The following HS6ST3 variants were observed in gnomAD, a reference collection of about 807,000 sequenced individuals.
HS6ST3 encodes the protein heparan-sulfate 6-O-sulfotransferase 3.
A neutral mutation model predicts 36.7 loss-of-function variants in HS6ST3; 12 were observed. The ratio of observed to expected loss-of-function variants is 0.33; its 90% CI spans 0.21 to 0.53. The LOEUF is 0.53. Among genes scored for constraint, HS6ST3 ranks in the 20% least tolerant of loss-of-function variants. The pLI is 0.95. For synonymous variants in HS6ST3, 240 were observed against 257.5 expected (o/e 0.93, Z 0.65); for missense variants, 584 against 640.9 (o/e 0.91, Z 0.96).
chr13:96,283,782 G>A (rs1055103842), intron 1 of HS6ST3, among the ~76,000 whole-genome samples: 1 of 152,124 alleles, frequency 6.6e-6, no homozygotes, highest in African/African-American at 2.4e-5. Flanking sequence ...TGTGCATACA[G>A]ATCACCTTGG....
rs2053912794 is a variant in HS6ST3, at chr13:96,119,087, C to T, written c.707+27518C>T. On this transcript the variant is annotated intron_variant, in intron 1 of 1. Transcript: ENST00000376705. The stretch of plus-strand genomic sequence containing the variant: ...GATGAATAGCTTATGTTACTAAATG[C>T]ATGCAAATGACTGTGTGTTTAGAAA... Among the ~76,000 whole-genome samples the T allele has an allele frequency of 3.9e-5, 6 of 152,094 alleles. No homozygotes were observed. In the South Asian group the frequency reaches 1.0e-3, roughly 26 times the overall value.
chr13:96,257,269 T>C (rs940491534), intron 1 of HS6ST3, among the ~76,000 whole-genome samples: 1 of 152,202 alleles, frequency 6.6e-6, no homozygotes, highest in Admixed American at 6.6e-5. Context: ...ATCTATCTAC[T>C]GTGCATCTGC....
intron 1 of HS6ST3, among the ~76,000 whole-genome samples, chr13:96,282,192 T>TGTGA: frequency 6.6e-6 from 1 of 152,118 alleles, no homozygotes; most frequent in East Asian, 1.9e-4. Flanking sequence ...CATGCAAAGA[T>TGTGA]GTGAGAATGT....
At chr13:96,560,441 G>A (rs537136421) in intron 1 of HS6ST3, among the ~76,000 whole-genome samples, 1 of 152,176 alleles carries the variant, frequency 6.6e-6, no homozygotes, top group South Asian at 2.1e-4. Context: ...AAAACTGGAA[G>A]CATTCCCCTT....
chr13:96,290,517 C>A (rs561820799), intron 1 of HS6ST3, among the ~76,000 whole-genome samples: 2 of 152,182 alleles, frequency 1.3e-5, no homozygotes, highest in South Asian at 4.1e-4. Context: ...CCAAGAACTG[C>A]CCCATGCCTC....
chr13:96,727,245 T>C lies in HS6ST3; in HGVS notation c.708-105245T>C, dbSNP rs368535364. 1.1e-4 allele frequency among the ~76,000 whole-genome samples: 17 copies of C among 152,250 alleles called. No individual in the cohort carries two copies. The East Asian group carries it at 3.1e-3, about 28-fold the overall frequency. On this transcript the variant is annotated intron_variant, in intron 1 of 1. Transcript: ENST00000376705. Reference sequence around the variant, plus strand: ...TTTTTCATCTGTAAAGTGGGGATAATAAAGGTGCCTATATTATGGGCTTGC... The same window carrying C: ...TTTTTCATCTGTAAAGTGGGGATAACAAAGGTGCCTATATTATGGGCTTGC...
intron 1 of HS6ST3, among the ~76,000 whole-genome samples, chr13:96,209,704 C>A (rs905131391): frequency 6.6e-6 from 1 of 152,140 alleles, no homozygotes; most frequent in Non-Finnish European, 1.5e-5. Context: ...TCAAATATTT[C>A]AACCTTAGTC....
At chr13:96,401,020 A>G (rs2055448529) in intron 1 of HS6ST3, among the ~76,000 whole-genome samples, 1 of 152,182 alleles carries the variant, frequency 6.6e-6, no homozygotes, top group African/African-American at 2.4e-5. Flanking sequence ...TGAATATGAA[A>G]CTATCACTAA....
intron 1 of HS6ST3, among the ~76,000 whole-genome samples, chr13:96,716,091 C>T (rs1388069370): frequency 6.6e-6 from 1 of 152,004 alleles, no homozygotes; most frequent in Non-Finnish European, 1.5e-5. Context: ...CACATTCAAG[C>T]AGCAAATTAT....
chr13:96,560,799 C>T (rs767526523), intron 1 of HS6ST3, among the ~76,000 whole-genome samples: 2 of 152,010 alleles, frequency 1.3e-5, no homozygotes, highest in Non-Finnish European at 2.9e-5. Context: ...ATATAGAATA[C>T]CTAGAAATAC....
At chr13:96,614,853 G>A (rs982160214) in intron 1 of HS6ST3, among the ~76,000 whole-genome samples, 2 of 152,122 alleles carry the variant, frequency 1.3e-5, no homozygotes, top group East Asian at 1.9e-4. Context: ...TTCTACAAAT[G>A]CTGGTTAAAT....
chr13:96,434,015 C>T (rs890913684), intron 1 of HS6ST3, among the ~76,000 whole-genome samples: 1 of 152,122 alleles, frequency 6.6e-6, no homozygotes, highest in Non-Finnish European at 1.5e-5. Context: ...TGAGAACAGA[C>T]TAATACAAGG....
chr13:96,220,472 G>T (rs2054449925), intron 1 of HS6ST3, among the ~76,000 whole-genome samples: 1 of 152,066 alleles, frequency 6.6e-6, no homozygotes, highest in Non-Finnish European at 1.5e-5. Context: ...TCCTTCTTCT[G>T]CCACCTAAAT....
chr13:96,349,380 T>C (rs2055171203), intron 1 of HS6ST3, among the ~76,000 whole-genome samples: 1 of 152,208 alleles, frequency 6.6e-6, no homozygotes, highest in Non-Finnish European at 1.5e-5. Flanking sequence ...GGTTCTTTTT[T>C]ATTAGTTTGT....
chr13:96,471,668 C>T (rs950017290), intron 1 of HS6ST3, among the ~76,000 whole-genome samples: 1 of 152,168 alleles, frequency 6.6e-6, no homozygotes, highest in African/African-American at 2.4e-5. Flanking sequence ...CTGCACTTTC[C>T]TTATTGACAC....
At chr13:96,177,629 C>G (rs1404614973) in intron 1 of HS6ST3, among the ~76,000 whole-genome samples, 1 of 151,060 alleles carries the variant, frequency 6.6e-6, no homozygotes, top group African/African-American at 2.4e-5. Context: ...ATATGGGGGT[C>G]TTGTTTTGTA....
intron 1 of HS6ST3, among the ~76,000 whole-genome samples, chr13:96,830,370 A>G (rs995807349): frequency 3.3e-4 from 50 of 152,220 alleles, no homozygotes; most frequent in Admixed American, 8.5e-4. Context: ...ACATACAGGA[A>G]TGATACAGGG....
At chr13:96,351,747 A>G (rs2055185281) in intron 1 of HS6ST3, among the ~76,000 whole-genome samples, 1 of 152,246 alleles carries the variant, frequency 6.6e-6, no homozygotes. Flanking sequence ...TGAAATTTAC[A>G]AAGGAGAAAG....
chr13:96,461,399 C>G (rs1307640913), intron 1 of HS6ST3, among the ~76,000 whole-genome samples: 1 of 151,942 alleles, frequency 6.6e-6, no homozygotes, highest in East Asian at 1.9e-4. Context: ...ATAATATTAC[C>G]TGAGCCTCTA....
Sources: allele counts gnomAD v4.1 joint callset (sites outside exome capture counted in the v4.1 genomes callset), GRCh38; gene constraint gnomAD v4.1.1; transcripts MANE v1.5; gene names NCBI Gene and HGNC (gene_info 2026-07-23, HGNC 2026-07-21).